The following UHRF2 variants were observed in gnomAD, a reference collection of about 807,000 sequenced individuals.
UHRF2 encodes the protein ubiquitin like with PHD and ring finger domains 2.
In UHRF2, 23 loss-of-function variants were observed where a neutral mutation model predicts 96.8. The ratio of observed to expected loss-of-function variants is 0.24; its 90% CI spans 0.17 to 0.34. UHRF2 has a LOEUF of 0.34. Among genes scored for constraint, UHRF2 ranks in the 10% least tolerant of loss-of-function variants. The pLI is 1.00. For synonymous variants in UHRF2, 385 were observed against 332.6 expected (o/e 1.16, Z -1.72); for missense variants, 685 against 981.5 (o/e 0.70, Z 4.04).
chr9:6,436,491 T>C (rs551881581), intron 3 of UHRF2, among the ~76,000 whole-genome samples: 1 of 152,330 alleles, frequency 6.6e-6, no homozygotes, highest in East Asian at 1.9e-4. Context: ...TTCTTGAGAT[T>C]TGTTGTGGAA....
At chr9:6,481,880 A>G (rs748589716) in intron 7 of UHRF2, 112 bp from the exon 8 acceptor site, 16 of 1,534,350 alleles carry the variant, frequency 1.0e-5, no homozygotes, top group African/African-American at 1.4e-5. Context: ...TGTTAATATC[A>G]ATGGTACTTA....
intron 6 of UHRF2, among the ~76,000 whole-genome samples, chr9:6,480,527 C>T (rs781577231): frequency 6.6e-6 from 1 of 152,286 alleles, no homozygotes; most frequent in South Asian, 2.1e-4. Context: ...CAAGGTCTTT[C>T]GCTTCACCTG....
chr9:6,472,870 G>C (rs1341300416), intron 4 of UHRF2, among the ~76,000 whole-genome samples: 2 of 151,898 alleles, frequency 1.3e-5, no homozygotes, highest in African/African-American at 4.8e-5. Flanking sequence ...GGGGGAAAAA[G>C]GAAAAAAGAC....
chr9:6,413,333 C>T lies in UHRF2; in HGVS notation c.-158C>T, dbSNP rs1345979394. ...CGGGCGCGCGCGCTGAGAGTCGTCG[C>T]CGCCTGTCGGGCCCGGCGTCCGGTC... is the stretch of plus-strand genomic sequence containing the variant. On this transcript the variant is annotated 5_prime_UTR_variant, in exon 1 of 16. Transcript: ENST00000276893. 7.8e-6 allele frequency: 5 copies of T among 643,008 alleles called. No individual in the cohort carries two copies. The highest frequency in any genetic ancestry group is 6.5e-5 in the East Asian group (1 of 15,428). 39.8% of individuals were successfully genotyped at this position (643,008 alleles called of 1,614,324 possible).
chr9:6,488,805 T>C (rs1433304521), intron 9 of UHRF2, among the ~76,000 whole-genome samples: 3 of 150,470 alleles, frequency 2.0e-5, no homozygotes, highest in African/African-American at 4.9e-5. Context: ...CTGAGTGTTT[T>C]TTTTTTGTTT....
At chr9:6,459,783 A>G (rs1202391759) in intron 3 of UHRF2, among the ~76,000 whole-genome samples, 1 of 152,244 alleles carries the variant, frequency 6.6e-6, no homozygotes, top group Non-Finnish European at 1.5e-5. Context: ...AACCAGCGTC[A>G]TGAACATAGT....
chr9:6,421,625 C>A (rs894476829), intron 2 of UHRF2, among the ~76,000 whole-genome samples: 12 of 152,126 alleles, frequency 7.9e-5, no homozygotes, highest in African/African-American at 2.4e-4. Context: ...CCATGTAGGC[C>A]AGGCTAGTCT....
intron 2 of UHRF2, among the ~76,000 whole-genome samples, chr9:6,430,737 CT>C (rs1820519053): frequency 6.6e-6 from 1 of 152,172 alleles, no homozygotes. Flanking sequence ...CTTGTTTCCC[CT>C]GCCTTGCCTT....
chr9:6,434,128 G>C lies in UHRF2; in HGVS notation c.599G>C (p.Cys200Ser). ...DSVPSTSNSD[C>S]VAADEDVIYH... ...GTACCCTCTACGTCTAATTCAGACT[G>C]TGTTGCTGCTGATGAAGACGTTATT... The change falls in exon 3 of 16, where the codon TGT becomes TCT. Residue 200 changes from cysteine to serine, a missense_variant. This residue lies in a region of UHRF2 where 391 missense variants were observed against 437.0 expected (regional missense o/e 0.89). Coordinates refer to ENST00000276893, the MANE Select transcript of UHRF2 (RefSeq NM_152896.3). 1 of 1,614,056 alleles carries C rather than the reference G, an allele frequency of 6.2e-7. No individual in the cohort carries two copies.
chr9:6,480,168 T>TA (rs1823838081), intron 6 of UHRF2, among the ~76,000 whole-genome samples: 1 of 152,234 alleles, frequency 6.6e-6, no homozygotes, highest in East Asian at 1.9e-4. Flanking sequence ...CATTTCTTTT[T>TA]ATGCCTCAGG....
intron 4 of UHRF2, 77 bp downstream of exon 4, chr9:6,460,868 A>T: frequency 8.5e-7 from 1 of 1,175,926 alleles, no homozygotes; most frequent in East Asian, 2.6e-5. Context: ...AAGCACGTGT[A>T]CCTTAGTAAA....
chr9:6,416,322 C>T (rs945554297), intron 1 of UHRF2, among the ~76,000 whole-genome samples: 2 of 152,114 alleles, frequency 1.3e-5, no homozygotes, highest in African/African-American at 4.8e-5. Flanking sequence ...CCCACCTCGG[C>T]TTCCCAAAGT....
At position 6,500,643 on chromosome 9, in the gene UHRF2, C is replaced by T; in HGVS notation, c.2097C>T (p.Leu699=). 6.2e-7 allele frequency: 1 copy of T among 1,613,998 alleles called. No individual in the cohort carries two copies. Among genetic ancestry groups the T allele is most frequent in the South Asian group, 1.1e-5 (1 of 91,056 alleles). ...AFQLTPQQQH[L]IREDCQNQKL... ...AACTAACTCCTCAACAGCAACATCT[C>T]ATCAGAGAAGATTGTCAAAACCAGA... Residue 699 remains leucine (L), a synonymous_variant, in exon 14 of 16, where the codon CTC becomes CTT. Transcript: ENST00000276893.
intron 2 of UHRF2, 118 bp downstream of exon 2, chr9:6,421,260 A>C: frequency 1.3e-6 from 1 of 777,778 alleles, no homozygotes; most frequent in Non-Finnish European, 2.1e-6. Flanking sequence ...TGGGATGTTA[A>C]TATCATAACT....
chr9:6,469,117 T>C (rs1374436488), intron 4 of UHRF2, among the ~76,000 whole-genome samples: 1 of 152,224 alleles, frequency 6.6e-6, no homozygotes, highest in Non-Finnish European at 1.5e-5. Context: ...GTGATTAATA[T>C]GCTGAAAACA....
chr9:6,417,449 G>A (rs1819673370), intron 1 of UHRF2, among the ~76,000 whole-genome samples: 1 of 152,088 alleles, frequency 6.6e-6, no homozygotes, highest in Non-Finnish European at 1.5e-5. Context: ...TCCCTACTTA[G>A]AGCTTAATTT....
At chr9:6,481,495 G>GT in intron 6 of UHRF2, 148 bp from the exon 7 acceptor site, 1 of 817,434 alleles carries the variant, frequency 1.2e-6, no homozygotes, top group Non-Finnish European at 1.8e-6. Context: ...ATTTTGAAAA[G>GT]TTTAGTATTT....
chr9:6,413,934 T>C (rs1819437855), intron 1 of UHRF2: 1 of 259,954 alleles, frequency 3.8e-6, no homozygotes, highest in African/African-American at 2.2e-5. Flanking sequence ...CCGTAGGCAC[T>C]GGGTGCCCAG....
At chr9:6,457,154 C>G (rs531407754) in intron 3 of UHRF2, among the ~76,000 whole-genome samples, 8 of 152,198 alleles carry the variant, frequency 5.3e-5, no homozygotes, top group Admixed American at 3.9e-4. Context: ...GAATGTTGTT[C>G]CATTTGTTTG....
Sources: allele counts gnomAD v4.1 joint callset (sites outside exome capture counted in the v4.1 genomes callset), GRCh38; gene constraint gnomAD v4.1.1; regional missense constraint gnomAD v4.1.1; transcripts MANE v1.5; gene names NCBI Gene and HGNC (gene_info 2026-07-23, HGNC 2026-07-21).